CTNNA3: variants seen among roughly 807,000 people sequenced by gnomAD.
CTNNA3 encodes catenin alpha 3.
A neutral mutation model predicts 95.7 loss-of-function variants in CTNNA3; 76 were observed. The observed-to-expected ratio is 0.79, with a 90% CI of 0.66 to 0.96. CTNNA3 has a LOEUF of 0.96. Ranked by LOEUF, CTNNA3 falls within the 40% of genes least tolerant of loss-of-function variation. The pLI, the probability that CTNNA3 is intolerant of heterozygous loss-of-function variation, is 0.00. For missense variants in CTNNA3, 1,191 were observed against 1,089.8 expected (o/e 1.09, Z -1.31); for synonymous variants, 431 against 374.4 (o/e 1.15, Z -1.74).
chr10:66,178,396 A>AGT (rs1437951593), intron 13 of CTNNA3, among the ~76,000 whole-genome samples: 8 of 103,580 alleles, frequency 7.7e-5, no homozygotes, highest in Non-Finnish European at 1.4e-4. Context: ...AAACCTTGAA[A>AGT]GTGTATATAT....
intron 4 of CTNNA3, among the ~76,000 whole-genome samples, chr10:67,537,525 G>T (rs759573225): frequency 1.3e-5 from 2 of 152,092 alleles, no homozygotes; most frequent in Non-Finnish European, 2.9e-5. Context: ...CATTTGCATG[G>T]TATGATGTAT....
intron 3 of CTNNA3, among the ~76,000 whole-genome samples, chr10:67,565,995 TTA>T (rs1374975755): frequency 1.9e-5 from 2 of 105,590 alleles, no homozygotes; most frequent in Admixed American, 1.1e-4. Context: ...TATATATATA[TTA>T]TATATATATA....
At chr10:66,511,160 T>A (rs1352495445) in intron 11 of CTNNA3, among the ~76,000 whole-genome samples, 1 of 151,872 alleles carries the variant, frequency 6.6e-6, no homozygotes, top group South Asian at 2.1e-4. Flanking sequence ...TTATGTTTTT[T>A]AATTTGTTGG....
intron 15 of CTNNA3, among the ~76,000 whole-genome samples, chr10:66,001,821 T>A (rs1469325579): frequency 1.3e-5 from 2 of 152,118 alleles, no homozygotes; most frequent in Non-Finnish European, 2.9e-5. Context: ...CCAGATAACA[T>A]CAACTGAATG....
At chr10:65,939,966 A>G (rs1030285309) in intron 17 of CTNNA3, among the ~76,000 whole-genome samples, 1 of 152,232 alleles carries the variant, frequency 6.6e-6, no homozygotes, top group African/African-American at 2.4e-5. Context: ...AAAATAAGTC[A>G]AATGGAATTG....
chr10:66,097,719 T>C (rs901418678), intron 14 of CTNNA3, among the ~76,000 whole-genome samples: 2 of 152,160 alleles, frequency 1.3e-5, no homozygotes, highest in Non-Finnish European at 2.9e-5. Context: ...CCCACAGTTA[T>C]TACTCAGGTA....
At chr10:66,118,256 C>A (rs151274579) in intron 13 of CTNNA3, 2 of 151,924 alleles carry the variant, frequency 1.3e-5, no homozygotes, top group East Asian at 3.9e-4. Flanking sequence ...TTTTTAGGAA[C>A]CTCCCTCTCT....
intron 13 of CTNNA3, among the ~76,000 whole-genome samples, chr10:66,180,562 A>G (rs1344823896): frequency 6.6e-6 from 1 of 152,164 alleles, no homozygotes; most frequent in African/African-American, 2.4e-5. Context: ...TCAAAAAGTA[A>G]TGTCATTAAA....
intron 12 of CTNNA3, among the ~76,000 whole-genome samples, chr10:66,313,786 A>G (rs537163431): frequency 6.6e-6 from 1 of 152,326 alleles, no homozygotes; most frequent in South Asian, 2.1e-4. Flanking sequence ...AAAGCGTAAG[A>G]GCCTGATTCA....
chr10:66,504,014 A>C (rs1214387452), intron 11 of CTNNA3, among the ~76,000 whole-genome samples: 2 of 152,178 alleles, frequency 1.3e-5, no homozygotes, highest in Non-Finnish European at 2.9e-5. Context: ...AATCAAGCGA[A>C]TTAACATATA....
rs545345291 is a variant in CTNNA3, at chr10:66,395,604, A to T, written c.1532-16252T>A. On this transcript the variant is annotated intron_variant, in intron 11 of 17. Transcript: ENST00000433211. ...TGGTTCATCTTACCTCAGATTTCCA[A>T]AAAGTCTGTACTTATTATTTACCTT... Among the ~76,000 whole-genome samples the T allele has an allele frequency of 2.6e-5, 4 of 152,138 alleles. No homozygotes were observed. In the South Asian group the frequency reaches 8.3e-4, roughly 32 times the overall value.
chr10:67,368,823 A>C (rs1470808591), intron 5 of CTNNA3, among the ~76,000 whole-genome samples: 2 of 152,230 alleles, frequency 1.3e-5, no homozygotes, highest in African/African-American at 4.8e-5. Flanking sequence ...CTACAGTGAC[A>C]TAAAGCAGAT....
chr10:66,242,466 C>T (rs898684600), intron 13 of CTNNA3, among the ~76,000 whole-genome samples: 2 of 151,952 alleles, frequency 1.3e-5, no homozygotes, highest in Non-Finnish European at 2.9e-5. Context: ...CTATCAAGAA[C>T]ATACGAAGAA....
At chr10:67,469,831 T>C (rs1847749900) in intron 5 of CTNNA3, among the ~76,000 whole-genome samples, 2 of 152,182 alleles carry the variant, frequency 1.3e-5, no homozygotes, top group South Asian at 4.1e-4. Context: ...AGTAGGTGTA[T>C]ATATTTATGG....
At chr10:65,965,406 T>A (rs2077938801) in intron 17 of CTNNA3, among the ~76,000 whole-genome samples, 1 of 135,238 alleles carries the variant, frequency 7.4e-6, no homozygotes, top group African/African-American at 3.0e-5. Flanking sequence ...TTTTTTTTTT[T>A]TTTTTTTTTT....
chr10:66,913,265 A>G (rs1053211469), intron 7 of CTNNA3, among the ~76,000 whole-genome samples: 1 of 141,242 alleles, frequency 7.1e-6, no homozygotes, highest in Non-Finnish European at 1.6e-5. Flanking sequence ...AAAAAAAAAA[A>G]GAAAAAGAAA....
At chr10:66,586,280 G>A (rs540056229) in intron 10 of CTNNA3, among the ~76,000 whole-genome samples, 1 of 152,210 alleles carries the variant, frequency 6.6e-6, no homozygotes, top group South Asian at 2.1e-4. Context: ...CACAGGTTGT[G>A]GCTAAAGCGG....
intron 15 of CTNNA3, among the ~76,000 whole-genome samples, chr10:66,007,778 C>A (rs2078924684): frequency 1.6e-5 from 2 of 124,166 alleles, no homozygotes; most frequent in African/African-American, 6.5e-5. Context: ...CTCTTCCTTC[C>A]TTTCCTCCCT....
At chr10:67,497,949 T>C (rs1839087862) in intron 5 of CTNNA3, among the ~76,000 whole-genome samples, 1 of 152,194 alleles carries the variant, frequency 6.6e-6, no homozygotes, top group African/African-American at 2.4e-5. Context: ...TTAGATCCCA[T>C]TTGTCAATTT....
Sources: gnomAD v4.1 joint callset for allele counts (sites outside exome capture counted in the v4.1 genomes callset) on GRCh38, gnomAD v4.1.1 for gene constraint, MANE v1.5 for transcripts, NCBI Gene and HGNC (gene_info 2026-07-23, HGNC 2026-07-21) for gene names.